The following SOS2 variants were observed in gnomAD, a reference collection of about 807,000 sequenced individuals.
SOS2 encodes the protein son of sevenless homolog 2.
In SOS2, 65 loss-of-function variants were observed where a neutral mutation model predicts 148.2. That is an observed-to-expected ratio of 0.44 (90% CI 0.36 to 0.54). The LOEUF is 0.54. Ranked by LOEUF, SOS2 falls within the 20% of genes least tolerant of loss-of-function variation. The pLI is 0.00. For missense variants in SOS2, 1,341 were observed against 1,590.2 expected (o/e 0.84, Z 2.67); for synonymous variants, 539 against 537.1 (o/e 1.00, Z -0.05).
intron 6 of SOS2, among the ~76,000 whole-genome samples, chr14:50,181,201 C>T (rs1197113242): frequency 6.6e-6 from 1 of 152,108 alleles, no homozygotes; most frequent in South Asian, 2.1e-4. Flanking sequence ...ATAATCCCAG[C>T]ACTTTGGGAG....
At chr14:50,176,967 G>T (rs543896340) in intron 7 of SOS2, among the ~76,000 whole-genome samples, 1 of 152,208 alleles carries the variant, frequency 6.6e-6, no homozygotes, top group Non-Finnish European at 1.5e-5. Flanking sequence ...CCAAGATCGC[G>T]CCACTGCACT....
intron 7 of SOS2, 124 bp downstream of exon 7, chr14:50,180,448 G>A: frequency 3.5e-6 from 2 of 578,174 alleles, no homozygotes; most frequent in South Asian, 4.6e-5. Flanking sequence ...AACAGGTTTA[G>A]AATGAACAAG....
At chr14:50,150,659 T>C (rs954134860) in intron 13 of SOS2, among the ~76,000 whole-genome samples, 10 of 151,812 alleles carry the variant, frequency 6.6e-5, no homozygotes, top group African/African-American at 2.4e-4. Flanking sequence ...TGTTGCGGGC[T>C]CAAGTGATCC....
chr14:50,132,126 C>T (rs534259777), intron 19 of SOS2, among the ~76,000 whole-genome samples: 3 of 152,048 alleles, frequency 2.0e-5, no homozygotes, highest in East Asian at 1.9e-4. Flanking sequence ...AAATGAAACA[C>T]GGTTTCCCAG....
chr14:50,129,873 T>C (rs185215941), intron 21 of SOS2, 88 bp downstream of exon 21: 1 of 776,090 alleles, frequency 1.3e-6, no homozygotes, highest in Non-Finnish European at 2.1e-6. Context: ...TTCTTTAATA[T>C]TGCCAAAACT....
chr14:50,210,222 G>A (rs1473207729), intron 1 of SOS2, among the ~76,000 whole-genome samples: 1 of 152,180 alleles, frequency 6.6e-6, no homozygotes, highest in Non-Finnish European at 1.5e-5. Context: ...ACATAACAGA[G>A]TCCACAAACA....
intron 13 of SOS2, 143 bp from the exon 14 acceptor site, chr14:50,150,373 T>G (rs1211097256): frequency 3.2e-6 from 2 of 633,464 alleles, no homozygotes; most frequent in Non-Finnish European, 5.6e-6. Flanking sequence ...ACTCATGCCA[T>G]CCCGTCACTT....
rs764921001 is a variant in SOS2, at chr14:50,117,623, A to G, written c.*721T>C. 8 of 152,248 alleles carry G rather than the reference A, an allele frequency of 5.3e-5. No homozygotes were observed. Among genetic ancestry groups the G allele is most frequent in the Non-Finnish European group, 7.3e-5 (5 of 68,038 alleles). 9.4% of individuals were successfully genotyped at this position (152,248 alleles called of 1,614,324 possible). On this transcript the variant is annotated 3_prime_UTR_variant, in exon 23 of 23. Transcript: ENST00000216373. ...ATACATGGCATATTAACTGTTTTCC[A>G]TAACAATAGGCAATTCATTAGCTAA...
chr14:50,209,853 G>C (rs1444042060), intron 1 of SOS2, among the ~76,000 whole-genome samples: 1 of 152,040 alleles, frequency 6.6e-6, no homozygotes, highest in Non-Finnish European at 1.5e-5. Flanking sequence ...GAGAAAACTA[G>C]ACTTTAAGAA....
Position 50,118,248 on chromosome 14 carries a change from G to T in SOS2, c.*96C>A. ...TAGCATTTTTGTAAGAGCATTATTT[G>T]TAAAAAGTACTAAAATACTATGTCT... On this transcript the variant is annotated 3_prime_UTR_variant, in exon 23 of 23. Coordinates refer to ENST00000216373, the MANE Select transcript of SOS2 (RefSeq NM_006939.4). 2.9e-6 allele frequency: 3 copies of T among 1,044,980 alleles called. No homozygotes were observed. The highest frequency in any genetic ancestry group is 2.8e-6 in the Non-Finnish European group (2 of 723,124). 64.7% of individuals were successfully genotyped at this position (1,044,980 alleles called of 1,614,324 possible).
intron 19 of SOS2, among the ~76,000 whole-genome samples, chr14:50,133,269 C>T (rs112268629): frequency 0.41 from 22,485 of 54,762 alleles, 2,429 homozygotes; most frequent in East Asian, 0.6. Context: ...TTTTTTGAGA[C>T]GGGGTCTTGC....
intron 4 of SOS2, among the ~76,000 whole-genome samples, chr14:50,197,997 A>G (rs1292015439): frequency 1.5e-5 from 2 of 129,502 alleles, no homozygotes; most frequent in Admixed American, 9.2e-5. Context: ...CTGCTTTGCC[A>G]TCTTTTTTTT....
Position 50,180,532 on chromosome 14 carries a change from T to TAAAAAA in SOS2, c.969+39_969+40insTTTTTT, listed in dbSNP as rs748956316. ...AATAGTGAGATATTTATTTGCTTTA[T>TAAAAAA]TAAAAAAAAAAAAAAAAAAAACCTT... On this transcript the variant is annotated intron_variant, in intron 7 of 22. Transcript: ENST00000216373. The TAAAAAA allele has an allele frequency of 4.1e-5, 19 of 466,638 alleles. 1 individual carries two copies. The highest frequency in any genetic ancestry group is 2.1e-4 in the African/African-American group (5 of 23,666). 28.9% of individuals were successfully genotyped at this position (466,638 alleles called of 1,614,324 possible).
chr14:50,187,319 AATT>A (rs200578700), intron 5 of SOS2, among the ~76,000 whole-genome samples: 2 of 148,274 alleles, frequency 1.3e-5, no homozygotes, highest in East Asian at 2.0e-4. Context: ...GGCCAAGACT[AATT>A]ATTATTATTA....
chr14:50,204,886 TTTTCTTTTTTTTTC>T (rs1886609487), intron 1 of SOS2, among the ~76,000 whole-genome samples: 1 of 52,220 alleles, frequency 1.9e-5, no homozygotes, highest in Admixed American at 2.4e-4. Context: ...CCCCACCTTT[TTTTCTTTTTTTTTC>T]TTTCTTTTTT....
intron 16 of SOS2, among the ~76,000 whole-genome samples, chr14:50,141,456 G>T (rs1884281776): frequency 6.6e-6 from 1 of 151,832 alleles, no homozygotes; most frequent in African/African-American, 2.4e-5. Flanking sequence ...GGGAATAGGA[G>T]GCTGCAGTAA....
chr14:50,178,670 GCATATATA>G (rs1386743437), intron 7 of SOS2, among the ~76,000 whole-genome samples: 4,076 of 67,944 alleles, frequency 0.06, 193 homozygotes, highest in African/African-American at 0.1. Context: ...GTGTGTGTGT[GCATATATA>G]TATATATATA....
intron 21 of SOS2, among the ~76,000 whole-genome samples, chr14:50,124,133 T>A (rs1333262397): frequency 6.6e-6 from 1 of 152,140 alleles, no homozygotes; most frequent in Non-Finnish European, 1.5e-5. Context: ...ATTAAATATA[T>A]GAGTCTAGAA....
chr14:50,139,119 T>C (rs1342335918), intron 17 of SOS2, among the ~76,000 whole-genome samples: 2 of 152,314 alleles, frequency 1.3e-5, no homozygotes, highest in Non-Finnish European at 1.5e-5. Context: ...AATATTTTAA[T>C]ATTTGATTAT....
Sources: allele counts gnomAD v4.1 joint callset (sites outside exome capture counted in the v4.1 genomes callset), GRCh38; gene constraint gnomAD v4.1.1; transcripts MANE v1.5; gene names NCBI Gene and HGNC (gene_info 2026-07-23, HGNC 2026-07-21).